Variants in RNF212 observed in about 807,000 individuals in gnomAD.
The protein encoded by RNF212 is probable E3 SUMO-protein ligase RNF212.
In RNF212, 33 loss-of-function variants were observed where a neutral mutation model predicts 34.7. The ratio of observed to expected loss-of-function variants is 0.95; its 90% confidence interval spans 0.72 to 1.27. RNF212 has a LOEUF of 1.27. Ranked by LOEUF, RNF212 falls within the 50% of genes most tolerant of loss-of-function variation. The pLI is 0.00. For synonymous variants in RNF212, 140 were observed against 136.1 expected (o/e 1.03, Z -0.20); for missense variants, 377 against 362.2 (o/e 1.04, Z -0.33).
chr4:1,088,937 G>T (rs555880584), intron 4 of RNF212, among the ~76,000 whole-genome samples: 1 of 152,250 alleles, frequency 6.6e-6, no homozygotes, highest in African/African-American at 2.4e-5. Flanking sequence ...GTATGGAAAT[G>T]CCTGGATGTC....
chr4:1,093,623 G>A (rs1321143613), intron 3 of RNF212: 2 of 1,536,002 alleles, frequency 1.3e-6, no homozygotes, highest in Admixed American at 3.9e-5. Context: ...GGTCTGCTGG[G>A]TCTTCTCTCC....
chr4:1,093,906 G>C (rs1722618068), intron 3 of RNF212: 1 of 1,536,280 alleles, frequency 6.5e-7, no homozygotes, highest in Non-Finnish European at 8.7e-7. Context: ...TGTTCTTGGG[G>C]ATCTCTGGCT....
At chr4:1,061,972 A>G (rs1202515211) in intron 3 of RNF212, among the ~76,000 whole-genome samples, 3 of 152,222 alleles carry the variant, frequency 2.0e-5, no homozygotes, top group African/African-American at 7.2e-5. Flanking sequence ...TGCGGCCCAG[A>G]TCGCATTTCC....
chr4:1,090,424 T>C (rs1273923588), intron 4 of RNF212, among the ~76,000 whole-genome samples: 5 of 152,220 alleles, frequency 3.3e-5, no homozygotes, highest in African/African-American at 1.2e-4. Flanking sequence ...CTTCAAAGTT[T>C]TTTAAAAAGG....
intron 8 of RNF212, among the ~76,000 whole-genome samples, chr4:1,074,371 G>T (rs1469189897): frequency 2.6e-5 from 4 of 152,096 alleles, no homozygotes; most frequent in African/African-American, 9.7e-5. Context: ...GCCTCACCCC[G>T]CTGGTCCTCA....
chr4:1,100,632 C>T (rs755827374), intron 2 of RNF212: 11 of 152,190 alleles, frequency 7.2e-5, no homozygotes, highest in South Asian at 2.1e-4. Context: ...TGGTCTCAAA[C>T]GCCTGACCTC....
At chr4:1,103,918 AAG>A (rs1159811408) in intron 2 of RNF212, among the ~76,000 whole-genome samples, 1 of 152,248 alleles carries the variant, frequency 6.6e-6, no homozygotes, top group Non-Finnish European at 1.5e-5. Context: ...AAGGAATAGA[AAG>A]AGAGATCTAA....
intron 2 of RNF212, among the ~76,000 whole-genome samples, chr4:1,106,111 G>A (rs1724778727): frequency 6.6e-6 from 1 of 152,206 alleles, no homozygotes; most frequent in South Asian, 2.1e-4. Context: ...GGAAGCAGCA[G>A]CTCCTATAGG....
Position 1,108,212 on chromosome 4 carries a change from C to G in RNF212, c.171+131G>C, listed in dbSNP as rs150390954. ...CTAAATCCTAACTGCATTTTGATTA[C>G]TCAGATATCTTTGTTAACGGAGCAA... On this transcript the variant is annotated intron_variant, in intron 2 of 9. Transcript: ENST00000433731. 536 of 560,272 alleles carry G rather than the reference C, an allele frequency of 9.6e-4. 5 individuals are homozygous for G. The East Asian group carries it at 0.018, about 19-fold the overall frequency. The allele number at this position is 560,272 out of a possible 1,614,324, so 34.7% of individuals were successfully genotyped here.
At chr4:1,104,237 C>T (rs1305858528) in intron 2 of RNF212, among the ~76,000 whole-genome samples, 1 of 152,208 alleles carries the variant, frequency 6.6e-6, no homozygotes, top group Non-Finnish European at 1.5e-5. Flanking sequence ...GACGACATGC[C>T]TCCAAAATTT....
chr4:1,071,522 A>C lies in RNF212; in HGVS notation c.*1352T>G, dbSNP rs940754615. The C allele has an allele frequency of 6.6e-6, 1 of 151,066 alleles. No individual in the cohort carries two copies. Among genetic ancestry groups the C allele is most frequent in the African/African-American group, 2.4e-5 (1 of 41,318 alleles). The allele number at this position is 151,066 out of a possible 1,614,324, so 9.4% of individuals were successfully genotyped here. Reference sequence around the variant, plus strand: ...TTTATCTGATAAGGAAATGTCATCCAAAAAAAAGACACACAAAAAAGAAAT... The same window carrying C: ...TTTATCTGATAAGGAAATGTCATCCCAAAAAAAGACACACAAAAAAGAAAT... On this transcript the variant is annotated 3_prime_UTR_variant, in exon 10 of 10. Transcript: ENST00000433731.
At position 1,072,128 on chromosome 4, in the gene RNF212, T is replaced by C. The variant is rs528766201; in HGVS notation, c.*746A>G. On this transcript the variant is annotated 3_prime_UTR_variant, in exon 10 of 10. Coordinates refer to ENST00000433731, the MANE Select transcript of RNF212 (RefSeq NM_001131034.4). ...ACCATGAGAAGAGATGGGGGAACCA[T>C]AAGTGTGTATTGCTAAGTGAAAGGA... 6.6e-6 allele frequency: 1 copy of C among 152,226 alleles called. No individual in the cohort carries two copies. The highest frequency in any genetic ancestry group is 2.1e-4 in the South Asian group (1 of 4,822). The allele number at this position is 152,226 out of a possible 1,614,324, so 9.4% of individuals were successfully genotyped here. A position where few individuals can be genotyped will look rare whatever the true frequency, so the allele number is the denominator to read the frequency against.
intron 3 of RNF212, among the ~76,000 whole-genome samples, chr4:1,065,233 A>T (rs1718017238): frequency 6.6e-6 from 1 of 152,210 alleles, no homozygotes; most frequent in Non-Finnish European, 1.5e-5. Flanking sequence ...CAGCCACACC[A>T]TTTCACATTC....
At chr4:1,064,189 T>G (rs1454105546) in intron 3 of RNF212, among the ~76,000 whole-genome samples, 1 of 152,186 alleles carries the variant, frequency 6.6e-6, no homozygotes, top group Non-Finnish European at 1.5e-5. Flanking sequence ...ATTGTTAGAT[T>G]TATAACACAT....
chr4:1,073,354 AAG>A (rs1162799081), intron 9 of RNF212, among the ~76,000 whole-genome samples, 161 bp from the exon 10 acceptor site: 6 of 152,270 alleles, frequency 3.9e-5, no homozygotes, highest in Non-Finnish European at 8.8e-5. Context: ...GTTTAAAACC[AAG>A]AGGACATAGA....
chr4:1,097,622 G>A lies in RNF212; in HGVS notation c.172-783C>T, dbSNP rs568795496. Among the ~76,000 whole-genome samples, 5 of 151,744 alleles carry A rather than the reference G, an allele frequency of 3.3e-5. No homozygotes were observed. The South Asian group carries it at 8.3e-4, about 25-fold the overall frequency. On this transcript the variant is annotated intron_variant, in intron 2 of 9. Transcript: ENST00000433731. ...TTTGGTTACAAGCCCTCATGCAGAC[G>A]CTCCCAACTTCCTTCACAAGTGCCT...
At chr4:1,106,807 T>C (rs1187671194) in intron 2 of RNF212, among the ~76,000 whole-genome samples, 1 of 152,242 alleles carries the variant, frequency 6.6e-6, no homozygotes, top group African/African-American at 2.4e-5. Flanking sequence ...GAAAAGAAAG[T>C]ATTTTCTGTT....
intron 5 of RNF212, among the ~76,000 whole-genome samples, chr4:1,082,547 A>G (rs557191043): frequency 1.7e-4 from 26 of 152,340 alleles, no homozygotes; most frequent in African/African-American, 6.3e-4. Context: ...AGGCAGTTGC[A>G]CAACAGCTCA....
rs139634820 is a variant in RNF212 at position 1,090,274 on chromosome 4, G to A, written c.303+508C>T. Among the ~76,000 whole-genome samples the A allele has an allele frequency of 1.0e-3, 157 of 152,194 alleles. 1 individual carries two copies. Among genetic ancestry groups the A allele is most frequent in the Admixed American group, 2.2e-3 (33 of 15,280 alleles). The stretch of plus-strand genomic sequence containing the variant: ...AAGCAGGGCCAAGGGTGATCTGTCC[G>A]CTCCAGGTTTGGGTGTACACAGAAT... On this transcript the variant is annotated intron_variant, in intron 4 of 9. Coordinates refer to ENST00000433731, the MANE Select transcript of RNF212 (RefSeq NM_001131034.4).
Sources: gnomAD v4.1 joint callset for allele counts (sites outside exome capture counted in the v4.1 genomes callset) on GRCh38, gnomAD v4.1.1 for gene constraint, MANE v1.5 for transcripts, NCBI Gene and HGNC (gene_info 2026-07-23, HGNC 2026-07-21) for gene names.